Variants in SIL1 observed in about 807,000 individuals in gnomAD.
SIL1 encodes the protein SIL1 nucleotide exchange factor.
SIL1 carries 40 observed loss-of-function variants against 49.1 expected under a neutral mutation model. The observed-to-expected ratio is 0.81, with a 90% confidence interval of 0.63 to 1.06. SIL1 has a LOEUF of 1.06. Ranked by LOEUF, SIL1 falls within the 50% of genes least tolerant of loss-of-function variation. SIL1 has a pLI of 0.00. For missense variants in SIL1, 500 were observed against 572.6 expected, an observed-to-expected ratio of 0.87 and a Z score of 1.29; for synonymous variants, 253 against 250.8, an observed-to-expected ratio of 1.01 and a Z score of -0.08.
At chr5:139,124,293 C>T (rs534744616) in intron 2 of SIL1, among the ~76,000 whole-genome samples, 118 of 151,972 alleles carry the variant, frequency 7.8e-4, no homozygotes, top group African/African-American at 2.8e-3. Context: ...AGGGTTAGAA[C>T]GAGACTGATG....
chr5:138,957,501 T>G lies in SIL1; in HGVS notation c.768-5617A>C, dbSNP rs564065463. Among the ~76,000 whole-genome samples the G allele has an allele frequency of 1.3e-4, 19 of 151,920 alleles. No homozygotes were observed. The South Asian group carries it at 3.1e-3, about 25-fold the overall frequency. ...CGGGAGGCTGAGGTAGGAGGATCAC[T>G]TGAGCCCAGGAGGCTGAGGCTGCAG... On this transcript the variant is annotated intron_variant, in intron 7 of 9. Transcript: ENST00000394817.
intron 7 of SIL1, among the ~76,000 whole-genome samples, chr5:139,011,399 G>A (rs909235225): frequency 1.3e-5 from 2 of 152,216 alleles, no homozygotes. Flanking sequence ...TACCTCAGAT[G>A]GAAATGCAGA....
chr5:138,987,230 C>T (rs780788227), intron 7 of SIL1, among the ~76,000 whole-genome samples: 3 of 151,806 alleles, frequency 2.0e-5, no homozygotes, highest in Non-Finnish European at 4.4e-5. Flanking sequence ...CCACCTCAGC[C>T]TCCCAAGTAG....
At chr5:139,125,348 A>T (rs960703101) in intron 2 of SIL1, among the ~76,000 whole-genome samples, 2 of 152,254 alleles carry the variant, frequency 1.3e-5, no homozygotes, top group Admixed American at 1.3e-4. Flanking sequence ...GTGTTAGCTG[A>T]CAACAGCTTA....
intron 7 of SIL1, among the ~76,000 whole-genome samples, chr5:138,964,561 C>T (rs1429440146): frequency 1.3e-5 from 2 of 152,206 alleles, no homozygotes; most frequent in Non-Finnish European, 1.5e-5. Flanking sequence ...ACTCTTTTAA[C>T]TCTATTTCTG....
chr5:139,060,192 A>G (rs1769553703), intron 3 of SIL1, among the ~76,000 whole-genome samples: 1 of 152,162 alleles, frequency 6.6e-6, no homozygotes, highest in African/African-American at 2.4e-5. Context: ...TGGTGAGCCT[A>G]TGAAGAGTAT....
At chr5:139,091,352 A>T (rs1163392882) in intron 3 of SIL1, among the ~76,000 whole-genome samples, 1 of 152,124 alleles carries the variant, frequency 6.6e-6, no homozygotes, top group Non-Finnish European at 1.5e-5. Context: ...AAAAACTTTT[A>T]AAAAATAAGG....
chr5:139,056,678 C>G (rs1769444928), intron 3 of SIL1, among the ~76,000 whole-genome samples: 1 of 148,120 alleles, frequency 6.8e-6, no homozygotes, highest in South Asian at 2.1e-4. Context: ...CCAGCCGCCC[C>G]GTCCGGGAGG....
chr5:138,974,171 G>A (rs1767344894), intron 7 of SIL1, among the ~76,000 whole-genome samples: 1 of 152,174 alleles, frequency 6.6e-6, no homozygotes. Flanking sequence ...AGCTCCTCAG[G>A]AAAGCGTGAA....
At chr5:139,015,505 T>A (rs758393198) in intron 7 of SIL1, among the ~76,000 whole-genome samples, 1 of 152,172 alleles carries the variant, frequency 6.6e-6, no homozygotes, top group Non-Finnish European at 1.5e-5. Context: ...AGTAGATGGT[T>A]CCAAAATCAC....
chr5:139,008,976 G>T (rs1335108507), intron 7 of SIL1, among the ~76,000 whole-genome samples: 1 of 151,152 alleles, frequency 6.6e-6, no homozygotes, highest in African/African-American at 2.4e-5. Context: ...TGTCTATTAG[G>T]TCCGTTTGGT....
intron 5 of SIL1, among the ~76,000 whole-genome samples, chr5:139,040,433 A>G (rs1189392786): frequency 6.8e-6 from 1 of 147,546 alleles, no homozygotes; most frequent in Non-Finnish European, 1.5e-5. Context: ...TGGGTCTTGC[A>G]TTTGGGTGCT....
chr5:139,118,080 T>C (rs1025727006), intron 3 of SIL1, among the ~76,000 whole-genome samples: 12 of 152,128 alleles, frequency 7.9e-5, no homozygotes, highest in Non-Finnish European at 1.8e-4. Flanking sequence ...CTTGCAATTT[T>C]CTTAAAGTCC....
At position 138,961,397 on chromosome 5, in the gene SIL1, T is replaced by C. The variant is rs141446266; in HGVS notation, c.768-9513A>G. 4.6e-4 allele frequency among the ~76,000 whole-genome samples: 70 copies of C among 152,366 alleles called. No individual in the cohort carries two copies. In the East Asian group the frequency reaches 0.011, roughly 24 times the overall value. On this transcript the variant is annotated intron_variant, in intron 7 of 9. Coordinates refer to ENST00000394817, the MANE Select transcript of SIL1 (RefSeq NM_022464.5). The stretch of plus-strand genomic sequence containing the variant: ...ACTTAACTCTATGTTTGTTTTACTT[T>C]CTGCAGGAAGGCCATTCTCCTTGAG...
At chr5:139,090,568 AC>A (rs1180848689) in intron 3 of SIL1, among the ~76,000 whole-genome samples, 1 of 152,194 alleles carries the variant, frequency 6.6e-6, no homozygotes, top group Non-Finnish European at 1.5e-5. Context: ...CCAACTGCAC[AC>A]AGAAATTTAA....
intron 7 of SIL1, among the ~76,000 whole-genome samples, chr5:138,963,562 C>T (rs948526511): frequency 1.3e-5 from 2 of 152,146 alleles, no homozygotes; most frequent in African/African-American, 2.4e-5. Context: ...ATTTGGAAGT[C>T]GTATAGACTA....
chr5:139,005,554 AACTC>A (rs1469781597), intron 7 of SIL1, among the ~76,000 whole-genome samples: 3 of 129,094 alleles, frequency 2.3e-5, no homozygotes, highest in African/African-American at 6.0e-5. Flanking sequence ...TGCGCCCACT[AACTC>A]ATCATCTAGC....
intron 1 of SIL1, among the ~76,000 whole-genome samples, chr5:139,179,056 C>A (rs949542604): frequency 1.3e-5 from 2 of 152,184 alleles, no homozygotes; most frequent in African/African-American, 4.8e-5. Flanking sequence ...ATTCTTTAAG[C>A]TGGTGGTAGC....
At chr5:139,119,032 G>T (rs1221940554) in intron 3 of SIL1, among the ~76,000 whole-genome samples, 1 of 152,212 alleles carries the variant, frequency 6.6e-6, no homozygotes, top group Non-Finnish European at 1.5e-5. Flanking sequence ...GCGTCTGGGT[G>T]CAACTGCAAC....
Sources: gnomAD v4.1 joint callset for allele counts (sites outside exome capture counted in the v4.1 genomes callset) on GRCh38, gnomAD v4.1.1 for gene constraint, MANE v1.5 for transcripts, NCBI Gene and HGNC (gene_info 2026-07-23, HGNC 2026-07-21) for gene names.